Variants in ASTN2 observed in about 807,000 individuals in gnomAD.
ASTN2 encodes astrotactin 2.
A neutral mutation model predicts 139.8 loss-of-function variants in ASTN2; 54 were observed. The ratio of observed to expected loss-of-function variants is 0.39; its 90% CI spans 0.31 to 0.48. The LOEUF is 0.48. Among genes scored for constraint, ASTN2 ranks in the 20% least tolerant of loss-of-function variants. The pLI is 0.95. For synonymous variants in ASTN2, 756 were observed against 719.5 expected, an observed-to-expected ratio of 1.05 and a Z score of -0.81; for missense variants, 1,565 against 1,725.1, an observed-to-expected ratio of 0.91 and a Z score of 1.64.
chr9:117,167,025 T>C (rs993651383), intron 3 of ASTN2, among the ~76,000 whole-genome samples: 2 of 152,152 alleles, frequency 1.3e-5, no homozygotes, highest in African/African-American at 4.8e-5. Flanking sequence ...AGCAGTGATA[T>C]TTATCTTATT....
intron 2 of ASTN2, chr9:117,276,933 T>C (rs538945235): frequency 2.0e-5 from 3 of 152,308 alleles, no homozygotes; most frequent in African/African-American, 4.8e-5. Flanking sequence ...TTTTAAAAAT[T>C]AGCATGTTAA....
intron 5 of ASTN2, among the ~76,000 whole-genome samples, chr9:117,092,593 C>G (rs1239147644): frequency 6.6e-6 from 1 of 152,214 alleles, no homozygotes; most frequent in South Asian, 2.1e-4. Flanking sequence ...TCCTATTTTT[C>G]AGATAGACCT....
chr9:116,698,512 C>G lies in ASTN2; in HGVS notation c.2806+27259G>C, dbSNP rs3747834. On this transcript the variant is annotated intron_variant, in intron 16 of 22. Coordinates refer to ENST00000313400, the MANE Select transcript of ASTN2 (RefSeq NM_001365068.1). This position sits in a 1 kb window ranked among gnomAD's most constrained non-coding sequence, Gnocchi z 4.4. ...GCAGATGTAGCACTACTGGAGGAGA[C>G]AGCTGATGAGGAGGAGCCAGAGCTC... The G allele has an allele frequency of 3.7e-4, 591 of 1,613,806 alleles. 4 individuals carry two copies. The East Asian group carries it at 0.012, about 33-fold the overall frequency.
At chr9:117,241,333 T>C (rs1833199271) in intron 2 of ASTN2, among the ~76,000 whole-genome samples, 1 of 152,134 alleles carries the variant, frequency 6.6e-6, no homozygotes, top group Non-Finnish European at 1.5e-5. Context: ...TTCATTCAAG[T>C]TAGAGGTCAT....
chr9:116,481,914 A>T (rs1849181336), intron 20 of ASTN2, among the ~76,000 whole-genome samples: 1 of 152,208 alleles, frequency 6.6e-6, no homozygotes, highest in South Asian at 2.1e-4. Context: ...GCAGGTGGGC[A>T]TTAAGAATCA....
chr9:117,011,262 C>T (rs1330679652), intron 6 of ASTN2, among the ~76,000 whole-genome samples: 1 of 152,126 alleles, frequency 6.6e-6, no homozygotes, highest in African/African-American at 2.4e-5. Flanking sequence ...CTCCCAAATC[C>T]CTATGTTGAA....
chr9:116,706,811 G>C (rs1386241917), intron 16 of ASTN2, among the ~76,000 whole-genome samples: 1 of 112,612 alleles, frequency 8.9e-6, no homozygotes, highest in Admixed American at 1.3e-4. Context: ...CTCATGCTTT[G>C]TGCTGTGCTG....
intron 1 of ASTN2, among the ~76,000 whole-genome samples, chr9:117,397,649 T>C (rs1257205004): frequency 6.6e-6 from 1 of 152,242 alleles, no homozygotes; most frequent in Non-Finnish European, 1.5e-5. Flanking sequence ...CATTTACGTA[T>C]TTTAAGTTAA....
chr9:116,579,939 G>C (rs62576116), intron 19 of ASTN2, among the ~76,000 whole-genome samples: 1 of 151,732 alleles, frequency 6.6e-6, no homozygotes, highest in South Asian at 2.1e-4. Context: ...CTCCTGCCTC[G>C]GCCTCCTGAG....
intron 1 of ASTN2, among the ~76,000 whole-genome samples, chr9:117,395,999 C>A (rs1008302243): frequency 3.9e-5 from 6 of 152,116 alleles, no homozygotes; most frequent in Non-Finnish European, 5.9e-5. Flanking sequence ...CTATTGGAAC[C>A]ACAGTTTTCT....
At chr9:116,618,494 A>G in intron 18 of ASTN2, 22 bp from the exon 19 acceptor site, 1 of 1,590,342 alleles carries the variant, frequency 6.3e-7, no homozygotes, top group Non-Finnish European at 8.5e-7. Context: ...AAAAAGGAAG[A>G]TTCGTGTTTG....
intron 5 of ASTN2, 84 bp from the exon 6 acceptor site, chr9:117,040,049 T>G: frequency 7.1e-7 from 1 of 1,403,142 alleles, no homozygotes; most frequent in Non-Finnish European, 9.5e-7. Flanking sequence ...ATTCTATTAT[T>G]TTCCAGTTGG....
At chr9:116,644,212 G>A (rs1485742012) in intron 17 of ASTN2, among the ~76,000 whole-genome samples, 1 of 152,116 alleles carries the variant, frequency 6.6e-6, no homozygotes, top group Admixed American at 6.6e-5. Context: ...TCTCTTCTCA[G>A]TTGGAGCCAA....
chr9:116,865,627 TG>T (rs1832995748), intron 10 of ASTN2, among the ~76,000 whole-genome samples: 1 of 151,850 alleles, frequency 6.6e-6, no homozygotes, highest in Admixed American at 6.6e-5. Context: ...CAGTCATTGG[TG>T]GGGCTGCTGT....
chr9:116,687,178 G>A lies in ASTN2; in HGVS notation c.2807-35385C>T, dbSNP rs1860275380. ...TAAGGCCCCGGGTTCTCAGAGGAAAGCTCACCCCTGCAGGGCCGCCTTGCC... is the reference window on the plus strand; with the variant it reads ...TAAGGCCCCGGGTTCTCAGAGGAAAACTCACCCCTGCAGGGCCGCCTTGCC... On this transcript the variant is annotated intron_variant, in intron 16 of 22. Coordinates refer to ENST00000313400, the MANE Select transcript of ASTN2 (RefSeq NM_001365068.1). The A allele has an allele frequency of 4.7e-6, 5 of 1,060,906 alleles. No homozygotes were observed. The African/African-American group carries it at 4.9e-5, about 10-fold the overall frequency. The allele number at this position is 1,060,906 out of a possible 1,614,324, so 65.7% of individuals were successfully genotyped here. A position where few individuals can be genotyped will look rare whatever the true frequency, so the allele number is the denominator to read the frequency against.
At chr9:117,057,733 C>T (rs1348724085) in intron 5 of ASTN2, among the ~76,000 whole-genome samples, 2 of 152,150 alleles carry the variant, frequency 1.3e-5, no homozygotes, top group African/African-American at 2.4e-5. Flanking sequence ...CATGTTGCTG[C>T]CTTCTTGGTT....
chr9:116,426,362 C>T lies in ASTN2; in HGVS notation c.3783-274G>A, dbSNP rs965239724. 1.1e-4 allele frequency among the ~76,000 whole-genome samples: 17 copies of T among 152,188 alleles called. No homozygotes were observed. In the South Asian group the frequency reaches 3.3e-3, roughly 30 times the overall value. Reference sequence around the variant, plus strand: ...GGGAGCCCTAGGAGTTCAAAGGTGACCAGCCTTGGACTCTGATCAAATAGG... The same window carrying T: ...GGGAGCCCTAGGAGTTCAAAGGTGATCAGCCTTGGACTCTGATCAAATAGG... On this transcript the variant is annotated intron_variant, in intron 22 of 22. Coordinates refer to ENST00000313400, the MANE Select transcript of ASTN2 (RefSeq NM_001365068.1).
At chr9:117,389,700 T>C (rs924064422) in intron 1 of ASTN2, among the ~76,000 whole-genome samples, 2 of 152,120 alleles carry the variant, frequency 1.3e-5, no homozygotes, top group African/African-American at 2.4e-5. Context: ...GAACATGTAC[T>C]GAGTACTAAT....
chr9:117,094,493 A>T (rs1828791338), intron 5 of ASTN2, among the ~76,000 whole-genome samples: 1 of 152,178 alleles, frequency 6.6e-6, no homozygotes, highest in African/African-American at 2.4e-5. Context: ...GGAGAAGACC[A>T]GTCAAGAATC....
Sources: allele counts gnomAD v4.1 joint callset (sites outside exome capture counted in the v4.1 genomes callset), GRCh38; gene constraint gnomAD v4.1.1; non-coding constraint Gnocchi (gnomAD v3.1); transcripts MANE v1.5; gene names NCBI Gene and HGNC (gene_info 2026-07-23, HGNC 2026-07-21).